HPSE2: variants seen among roughly 807,000 people sequenced by gnomAD.
The protein encoded by HPSE2 is heparanase 2 (inactive).
A neutral mutation model predicts 60.5 loss-of-function variants in HPSE2; 38 were observed. The ratio of observed to expected loss-of-function variants is 0.63; its 90% confidence interval spans 0.48 to 0.82. HPSE2 has a LOEUF of 0.82. Among genes scored for constraint, HPSE2 ranks in the 40% least tolerant of loss-of-function variants. The pLI, the probability that HPSE2 is intolerant of heterozygous loss-of-function variation, is 0.00. For synonymous variants in HPSE2, 295 were observed against 293.2 expected (o/e 1.01, Z -0.06); for missense variants, 713 against 740.4 (o/e 0.96, Z 0.43).
At chr10:98,774,798 C>G (rs1238425705) in intron 3 of HPSE2, among the ~76,000 whole-genome samples, 1 of 152,170 alleles carries the variant, frequency 6.6e-6, no homozygotes, top group Non-Finnish European at 1.5e-5. Flanking sequence ...CAAGAAGTAC[C>G]TAGGCTTTTC....
chr10:98,488,576 C>T (rs981909124), intron 10 of HPSE2, among the ~76,000 whole-genome samples: 5 of 152,152 alleles, frequency 3.3e-5, no homozygotes, highest in African/African-American at 1.2e-4. Flanking sequence ...GATATTTTTT[C>T]CCCCAAGTCC....
chr10:98,762,135 T>C (rs1417416262), intron 3 of HPSE2, among the ~76,000 whole-genome samples: 1 of 151,554 alleles, frequency 6.6e-6, no homozygotes, highest in East Asian at 1.9e-4. Context: ...GCACCTAAGA[T>C]CCTGAAAAGG....
chr10:98,823,877 G>A (rs893795616), intron 3 of HPSE2, among the ~76,000 whole-genome samples: 9 of 151,970 alleles, frequency 5.9e-5, no homozygotes, highest in African/African-American at 1.5e-4. Flanking sequence ...ATCAACAAAC[G>A]TCACCTAATA....
At chr10:98,719,726 AG>A in intron 5 of HPSE2, among the ~76,000 whole-genome samples, 1 of 150,462 alleles carries the variant, frequency 6.6e-6, no homozygotes, top group African/African-American at 2.4e-5. Context: ...AAAAAGAAGA[AG>A]AAAAAAAACT....
intron 3 of HPSE2, among the ~76,000 whole-genome samples, chr10:98,896,202 T>A (rs1340709374): frequency 6.6e-6 from 1 of 152,128 alleles, no homozygotes; most frequent in East Asian, 1.9e-4. Flanking sequence ...TGCCTACAGT[T>A]GATCCTAGTA....
intron 9 of HPSE2, among the ~76,000 whole-genome samples, chr10:98,598,450 C>T (rs1465210452): frequency 6.6e-6 from 1 of 152,118 alleles, no homozygotes; most frequent in East Asian, 1.9e-4. Context: ...GAACCTGGAG[C>T]CTGTATCCAT....
At chr10:99,136,829 G>C (rs1006021945) in intron 3 of HPSE2, among the ~76,000 whole-genome samples, 16 of 151,978 alleles carry the variant, frequency 1.1e-4, no homozygotes, top group Non-Finnish European at 2.9e-5. Context: ...GAAAACCAGC[G>C]AAAGACAAGG....
chr10:98,790,617 G>A (rs1054902484), intron 3 of HPSE2, among the ~76,000 whole-genome samples: 1 of 152,056 alleles, frequency 6.6e-6, no homozygotes, highest in African/African-American at 2.4e-5. Flanking sequence ...TTTCAAAATC[G>A]CTAAAAGAAT....
intron 3 of HPSE2, among the ~76,000 whole-genome samples, chr10:98,979,569 T>C (rs1956162106): frequency 6.6e-6 from 1 of 152,168 alleles, no homozygotes; most frequent in South Asian, 2.1e-4. Context: ...AAAAGACATA[T>C]TAAAGAGGTG....
At chr10:98,788,489 G>T (rs899418769) in intron 3 of HPSE2, among the ~76,000 whole-genome samples, 1 of 142,164 alleles carries the variant, frequency 7.0e-6, no homozygotes, top group African/African-American at 2.6e-5. Flanking sequence ...CGAGCTTCCC[G>T]GCTGCTTTGT....
intron 9 of HPSE2, among the ~76,000 whole-genome samples, chr10:98,554,984 T>C (rs1228900641): frequency 8.5e-5 from 13 of 152,308 alleles, no homozygotes; most frequent in Non-Finnish European, 1.5e-5. Flanking sequence ...ATCTGTGAAA[T>C]TGTGGTTTCA....
chr10:98,844,027 T>C (rs1777841136), intron 3 of HPSE2, among the ~76,000 whole-genome samples: 1 of 152,160 alleles, frequency 6.6e-6, no homozygotes, highest in African/African-American at 2.4e-5. Flanking sequence ...TTCTGGAGAG[T>C]TACCCAGTGG....
chr10:99,169,266 G>A (rs1847209540), intron 2 of HPSE2, among the ~76,000 whole-genome samples: 1 of 149,154 alleles, frequency 6.7e-6, no homozygotes, highest in Non-Finnish European at 1.5e-5. Context: ...AGCACTTTAG[G>A]AGACCGAGGC....
At chr10:98,598,352 C>T (rs903838426) in intron 9 of HPSE2, among the ~76,000 whole-genome samples, 3 of 151,648 alleles carry the variant, frequency 2.0e-5, no homozygotes, top group Admixed American at 1.3e-4. Flanking sequence ...TGTAAGTCCT[C>T]AGGGCTGGGC....
At chr10:98,866,775 A>C (rs918455137) in intron 3 of HPSE2, among the ~76,000 whole-genome samples, 2 of 152,182 alleles carry the variant, frequency 1.3e-5, no homozygotes, top group Non-Finnish European at 2.9e-5. Context: ...TGCTATAGCC[A>C]GTAAAAATAT....
At chr10:99,287,854 G>A in the HPSE2 span, among the ~76,000 whole-genome samples, 11 of 152,258 alleles carry the variant, frequency 7.2e-5, no homozygotes, top group African/African-American at 2.4e-4. Flanking sequence ...TTACTGAGGA[G>A]TAAAAATAGT....
intron 3 of HPSE2, among the ~76,000 whole-genome samples, chr10:98,836,784 T>C (rs537935335): frequency 6.6e-6 from 1 of 152,328 alleles, no homozygotes; most frequent in South Asian, 2.1e-4. Flanking sequence ...CTCACACCTG[T>C]AATCCCAGCA....
intron 3 of HPSE2, among the ~76,000 whole-genome samples, chr10:99,091,432 C>T (rs531217332): frequency 2.0e-5 from 3 of 152,242 alleles, no homozygotes; most frequent in South Asian, 4.1e-4. Context: ...TCTCTAGACT[C>T]TATGTCCATG....
At chr10:99,111,953 A>C (rs1221394490) in intron 3 of HPSE2, among the ~76,000 whole-genome samples, 3 of 152,206 alleles carry the variant, frequency 2.0e-5, no homozygotes, top group African/African-American at 7.2e-5. Flanking sequence ...AACTTCAGTG[A>C]GGGCAGGGAT....
Sources: allele counts gnomAD v4.1 joint callset (sites outside exome capture counted in the v4.1 genomes callset), GRCh38; gene constraint gnomAD v4.1.1; transcripts MANE v1.5; gene names NCBI Gene and HGNC (gene_info 2026-07-23, HGNC 2026-07-21).